The following UNC13C variants were observed in gnomAD, a reference collection of about 807,000 sequenced individuals.
The protein encoded by UNC13C is protein unc-13 homolog C.
Under a neutral mutation model 245.4 loss-of-function variants are expected in UNC13C, and 174 were observed. That is an observed-to-expected ratio of 0.71 (90% CI 0.63 to 0.80). The LOEUF is 0.80. Ranked by LOEUF, UNC13C falls within the 30% of genes least tolerant of loss-of-function variation. UNC13C has a pLI of 0.00. For synonymous variants in UNC13C, 992 were observed against 895.1 expected, an observed-to-expected ratio of 1.11 and a Z score of -1.93; for missense variants, 2,829 against 2,602.9, an observed-to-expected ratio of 1.09 and a Z score of -1.89.
rs181400049 is a variant in UNC13C at position 54,291,010 on chromosome 15, A to G, written c.3819-2885A>G. On this transcript the variant is annotated intron_variant, in intron 10 of 32. Transcript: ENST00000260323. The stretch of plus-strand genomic sequence containing the variant: ...TAACTGTATCTTTTGCTACTCTAAA[A>G]TGCCTTCTATCTTTTTCTAAGATAA... 5.0e-3 allele frequency among the ~76,000 whole-genome samples: 755 copies of G among 152,174 alleles called. 5 individuals are homozygous for G. The highest frequency in any genetic ancestry group is 6.7e-3 in the Non-Finnish European group (455 of 67,940).
chr15:53,995,557 T>G (rs560227073), intron 1 of UNC13C, among the ~76,000 whole-genome samples: 51 of 151,752 alleles, frequency 3.4e-4, no homozygotes, highest in African/African-American at 1.2e-3. Context: ...ACTTTCTTGT[T>G]GAAATGCCTA....
intron 1 of UNC13C, among the ~76,000 whole-genome samples, chr15:53,985,267 G>A (rs1431724573): frequency 6.6e-6 from 1 of 151,780 alleles, no homozygotes; most frequent in Non-Finnish European, 1.5e-5. Context: ...TCCCTGCAAA[G>A]TACATGAACT....
Position 54,015,648 on chromosome 15 carries a change from A to G in UNC13C, c.2745A>G (p.Glu915=). Residue 915 remains glutamate (E), a synonymous_variant, in exon 2 of 33, where the codon GAA becomes GAG. Coordinates refer to ENST00000260323, the MANE Select transcript of UNC13C (RefSeq NM_001080534.3). ...YDHLSYETPY[E]TPQDEGYDGP... ...ACCTTTCATATGAAACACCTTATGAAACCCCACAAGATGAGGGTTATGATG... is the reference window on the plus strand; with the variant it reads ...ACCTTTCATATGAAACACCTTATGAGACCCCACAAGATGAGGGTTATGATG... The G allele has an allele frequency of 6.2e-7, 1 of 1,613,772 alleles. No homozygotes were observed. Among genetic ancestry groups the G allele is most frequent in the Non-Finnish European group, 8.5e-7 (1 of 1,179,764 alleles).
the UNC13C span, among the ~76,000 whole-genome samples, chr15:53,856,722 A>C: frequency 6.6e-6 from 1 of 152,034 alleles, no homozygotes; most frequent in Non-Finnish European, 1.5e-5. Context: ...TCAATTTTAG[A>C]GTAAGTGCCG....
chr15:54,284,738 G>C (rs555074081), intron 10 of UNC13C, among the ~76,000 whole-genome samples: 1 of 151,472 alleles, frequency 6.6e-6, no homozygotes. Flanking sequence ...ATGAACACGG[G>C]GTATTTTCCT....
chr15:54,031,462 A>T (rs1566962588), intron 2 of UNC13C, among the ~76,000 whole-genome samples: 1 of 152,170 alleles, frequency 6.6e-6, no homozygotes, highest in South Asian at 2.1e-4. Flanking sequence ...TGACCTTGTG[A>T]TCTGCCCGCC....
chr15:54,511,103 G>A (rs1479725474), intron 23 of UNC13C, among the ~76,000 whole-genome samples: 2 of 152,116 alleles, frequency 1.3e-5, no homozygotes, highest in African/African-American at 2.4e-5. Flanking sequence ...TGTATTTAAC[G>A]TTAGCTGGTG....
chr15:54,491,338 A>G (rs1893693794), intron 19 of UNC13C, among the ~76,000 whole-genome samples: 1 of 151,874 alleles, frequency 6.6e-6, no homozygotes, highest in Non-Finnish European at 1.5e-5. Context: ...AATAAAACAT[A>G]TCCTAACTTC....
chr15:54,018,857 T>C (rs954697448), intron 2 of UNC13C, among the ~76,000 whole-genome samples: 17 of 152,352 alleles, frequency 1.1e-4, no homozygotes, highest in Non-Finnish European at 1.8e-4. Flanking sequence ...ACCAGTGTTT[T>C]ATACCCATAT....
At chr15:53,995,439 G>A (rs1016454373) in intron 1 of UNC13C, among the ~76,000 whole-genome samples, 5 of 151,974 alleles carry the variant, frequency 3.3e-5, no homozygotes, top group South Asian at 2.1e-4. Context: ...TTCCCCTCTT[G>A]TTCCTCTTGT....
chr15:54,293,108 A>G (rs1044207699), intron 10 of UNC13C, among the ~76,000 whole-genome samples: 2 of 151,824 alleles, frequency 1.3e-5, no homozygotes, highest in African/African-American at 2.4e-5. Context: ...GAAATCATGT[A>G]CAGGATACAC....
intron 12 of UNC13C, among the ~76,000 whole-genome samples, chr15:54,299,655 A>C (rs558694735): frequency 4.3e-4 from 65 of 152,232 alleles, no homozygotes; most frequent in African/African-American, 1.5e-3. Flanking sequence ...TATCACTTTG[A>C]ACATGAATAA....
chr15:53,954,481 C>T, the UNC13C span, among the ~76,000 whole-genome samples: 3 of 152,260 alleles, frequency 2.0e-5, no homozygotes, highest in African/African-American at 7.2e-5. Context: ...GTGTTTTACA[C>T]AAAGTTACAC....
At chr15:54,481,065 T>C (rs187388915) in intron 19 of UNC13C, among the ~76,000 whole-genome samples, 1 of 152,262 alleles carries the variant, frequency 6.6e-6, no homozygotes, top group African/African-American at 2.4e-5. Flanking sequence ...TTTGGTTTTG[T>C]TTCTGGCAGG....
chr15:54,408,262 T>C (rs2040348846), intron 18 of UNC13C, among the ~76,000 whole-genome samples: 1 of 150,190 alleles, frequency 6.7e-6, no homozygotes, highest in Non-Finnish European at 1.5e-5. Flanking sequence ...TGTTTCTGAT[T>C]CTGTCTTTGA....
the UNC13C span, among the ~76,000 whole-genome samples, chr15:53,960,335 G>GTTT: frequency 7.0e-6 from 1 of 143,626 alleles, no homozygotes; most frequent in South Asian, 2.2e-4. Flanking sequence ...TCTATATCAT[G>GTTT]TTTTTTTTTT....
intron 4 of UNC13C, among the ~76,000 whole-genome samples, chr15:54,152,932 T>C (rs964153511): frequency 6.6e-6 from 1 of 152,162 alleles, no homozygotes; most frequent in Non-Finnish European, 1.5e-5. Context: ...TTTTTAGGTA[T>C]CTTTTAATGA....
intron 4 of UNC13C, among the ~76,000 whole-genome samples, chr15:54,190,718 A>G (rs1017242212): frequency 3.9e-5 from 6 of 151,932 alleles, no homozygotes; most frequent in African/African-American, 1.2e-4. Context: ...TATGTGTCCC[A>G]TTTAGTAATT....
chr15:54,260,207 T>C (rs1402070479), intron 8 of UNC13C, among the ~76,000 whole-genome samples: 2 of 152,144 alleles, frequency 1.3e-5, no homozygotes, highest in Non-Finnish European at 2.9e-5. Context: ...TTGTTAAATA[T>C]GAAAGAATTT....
Sources: gnomAD v4.1 joint callset for allele counts (sites outside exome capture counted in the v4.1 genomes callset) on GRCh38, gnomAD v4.1.1 for gene constraint, MANE v1.5 for transcripts, NCBI Gene and HGNC (gene_info 2026-07-23, HGNC 2026-07-21) for gene names.